The following CXCL13 variants were observed in gnomAD, a reference collection of about 807,000 sequenced individuals.
The protein encoded by CXCL13 is C-X-C motif chemokine 13.
A neutral mutation model predicts 12.2 loss-of-function variants in CXCL13; 7 were observed. The ratio of observed to expected loss-of-function variants is 0.57; its 90% confidence interval spans 0.33 to 1.07. CXCL13 has a LOEUF of 1.07. Among genes scored for constraint, CXCL13 ranks in the 50% least tolerant of loss-of-function variants. The pLI is 0.04. For missense variants in CXCL13, 113 were observed against 127.4 expected (o/e 0.89, Z 0.55); for synonymous variants, 47 against 42.4 (o/e 1.11, Z -0.42).
intron 1 of CXCL13, among the ~76,000 whole-genome samples, chr4:77,524,862 C>G (rs1279562772): frequency 6.6e-6 from 1 of 152,124 alleles, no homozygotes; most frequent in Non-Finnish European, 1.5e-5. Flanking sequence ...GAACAGAGCA[C>G]CACTTTAGTG....
Position 77,545,793 on chromosome 4 carries a change from G to C in CXCL13, c.-43+34005G>C, listed in dbSNP as rs1055609916. Among the ~76,000 whole-genome samples the C allele has an allele frequency of 2.6e-5, 4 of 152,162 alleles. No individual in the cohort carries two copies. In the East Asian group the frequency reaches 7.7e-4, roughly 29 times the overall value. On this transcript the variant is annotated intron_variant, in intron 1 of 4. Transcript: ENST00000286758. The stretch of plus-strand genomic sequence containing the variant: ...GAACTTCCAACACTATGTTGAATAG[G>C]AGTGGTGAGAGAGGGCATCCCTGTC...
intron 1 of CXCL13, among the ~76,000 whole-genome samples, chr4:77,557,998 C>G (rs1271343706): frequency 6.6e-6 from 1 of 152,198 alleles, no homozygotes; most frequent in Non-Finnish European, 1.5e-5. Flanking sequence ...TGCACCATCT[C>G]TTTGTGTCCT....
Position 77,582,639 on chromosome 4 carries a change from G to A in CXCL13, c.-42-23185G>A, listed in dbSNP as rs1359566064. ...TAGATAAATCAGACGGGATCTTGCA[G>A]GTCATGGTAAGAGGTTTGTTATCCT... is the stretch of plus-strand genomic sequence containing the variant. On this transcript the variant is annotated intron_variant, in intron 1 of 4. Transcript: ENST00000286758. Among the ~76,000 whole-genome samples the A allele has an allele frequency of 5.3e-5, 8 of 152,172 alleles. No homozygotes were observed. In the East Asian group the frequency reaches 1.5e-3, roughly 29 times the overall value.
intron 1 of CXCL13, among the ~76,000 whole-genome samples, chr4:77,557,039 A>G (rs1725675842): frequency 1.3e-5 from 2 of 152,006 alleles, no homozygotes; most frequent in Admixed American, 1.3e-4. Context: ...AATAAAAGAG[A>G]GAGAGAGAGA....
At chr4:77,553,165 C>T (rs1026476410) in intron 1 of CXCL13, among the ~76,000 whole-genome samples, 4 of 152,180 alleles carry the variant, frequency 2.6e-5, no homozygotes, top group African/African-American at 7.2e-5. Context: ...CTGTAAGATT[C>T]GTTGTCTGAG....
At chr4:77,585,452 C>A (rs1251405490) in intron 1 of CXCL13, among the ~76,000 whole-genome samples, 1 of 152,190 alleles carries the variant, frequency 6.6e-6, no homozygotes, top group Admixed American at 6.5e-5. Context: ...GATTCCTAAA[C>A]GTCCTCAGCC....
chr4:77,532,408 G>T (rs1020304864), intron 1 of CXCL13, among the ~76,000 whole-genome samples: 1 of 152,332 alleles, frequency 6.6e-6, no homozygotes, highest in Non-Finnish European at 1.5e-5. Context: ...TTTCTGCCGA[G>T]AAATCAGCTG....
At chr4:77,557,273 C>T (rs980093232) in intron 1 of CXCL13, among the ~76,000 whole-genome samples, 1 of 152,182 alleles carries the variant, frequency 6.6e-6, no homozygotes, top group Non-Finnish European at 1.5e-5. Context: ...AGTCTCCTTT[C>T]CTTAGTTCAC....
chr4:77,561,128 A>G (rs2109812627), intron 1 of CXCL13, among the ~76,000 whole-genome samples: 1 of 152,312 alleles, frequency 6.6e-6, no homozygotes, highest in Middle Eastern at 3.4e-3. Context: ...TTTCCAGGGA[A>G]AATATTGTAT....
chr4:77,598,422 G>A (rs1226281607), intron 1 of CXCL13, among the ~76,000 whole-genome samples: 1 of 152,194 alleles, frequency 6.6e-6, no homozygotes, highest in Admixed American at 6.5e-5. Flanking sequence ...GAGCCTGGAA[G>A]AGGGAAGGGG....
chr4:77,598,962 C>T (rs1028639745), intron 1 of CXCL13, among the ~76,000 whole-genome samples: 2 of 152,170 alleles, frequency 1.3e-5, no homozygotes, highest in Non-Finnish European at 2.9e-5. Context: ...GCACCTGCCA[C>T]TATGCCCGAC....
intron 1 of CXCL13, among the ~76,000 whole-genome samples, chr4:77,555,987 ACT>A (rs1320421906): frequency 6.6e-6 from 1 of 152,140 alleles, no homozygotes; most frequent in African/African-American, 2.4e-5. Flanking sequence ...AGCCACTGAA[ACT>A]CTCTCATATA....
At chr4:77,566,081 T>A (rs566923201) in intron 1 of CXCL13, among the ~76,000 whole-genome samples, 2 of 152,300 alleles carry the variant, frequency 1.3e-5, no homozygotes, top group East Asian at 3.9e-4. Context: ...ATTCAGATGA[T>A]CCTCTGTATA....
intron 1 of CXCL13, among the ~76,000 whole-genome samples, chr4:77,573,210 C>A (rs906326551): frequency 4.0e-5 from 6 of 151,714 alleles, no homozygotes; most frequent in South Asian, 2.1e-4. Context: ...ATGTAACAAA[C>A]CTGCACATGT....
At chr4:77,517,692 T>G (rs530154066) in intron 1 of CXCL13, among the ~76,000 whole-genome samples, 3 of 152,216 alleles carry the variant, frequency 2.0e-5, no homozygotes, top group Non-Finnish European at 4.4e-5. Flanking sequence ...ATTTTGAGCC[T>G]ATGTGTGTCT....
At chr4:77,547,116 G>C (rs900388540) in intron 1 of CXCL13, among the ~76,000 whole-genome samples, 6 of 152,142 alleles carry the variant, frequency 3.9e-5, no homozygotes, top group Non-Finnish European at 7.4e-5. Flanking sequence ...AGTTTGTTGT[G>C]ATTGCTGTTC....
At chr4:77,514,770 G>C (rs1724373850) in intron 1 of CXCL13, among the ~76,000 whole-genome samples, 1 of 152,158 alleles carries the variant, frequency 6.6e-6, no homozygotes, top group African/African-American at 2.4e-5. Flanking sequence ...TGTTCACTCT[G>C]ATGGTAGTTT....
chr4:77,574,983 A>G (rs1342455195), intron 1 of CXCL13, among the ~76,000 whole-genome samples: 3 of 152,014 alleles, frequency 2.0e-5, no homozygotes, highest in Non-Finnish European at 4.4e-5. Context: ...GTTGTTTTGA[A>G]TTAGAAAAGA....
At chr4:77,527,890 T>C (rs1560515703) in intron 1 of CXCL13, among the ~76,000 whole-genome samples, 1 of 152,156 alleles carries the variant, frequency 6.6e-6, no homozygotes, top group Non-Finnish European at 1.5e-5. Flanking sequence ...CAACTCGTCA[T>C]TTAACATTAG....
Sources: gnomAD v4.1 joint callset for allele counts (sites outside exome capture counted in the v4.1 genomes callset) on GRCh38, gnomAD v4.1.1 for gene constraint, MANE v1.5 for transcripts, NCBI Gene and HGNC (gene_info 2026-07-23, HGNC 2026-07-21) for gene names.